The following NCKAP1 variants were observed in gnomAD, a reference collection of about 807,000 sequenced individuals.
The protein encoded by NCKAP1 is nck-associated protein 1.
NCKAP1 carries 21 observed loss-of-function variants against 151.2 expected under a neutral mutation model. The ratio of observed to expected loss-of-function variants is 0.14; its 90% confidence interval spans 0.10 to 0.20. The LOEUF (loss-of-function observed/expected upper bound fraction) is 0.20. Ranked by LOEUF, NCKAP1 falls within the 10% of genes least tolerant of loss-of-function variation. The pLI is 1.00. For synonymous variants in NCKAP1, 484 were observed against 451.8 expected, an observed-to-expected ratio of 1.07 and a Z score of -0.90; for missense variants, 933 against 1,352.1, an observed-to-expected ratio of 0.69 and a Z score of 4.86.
At chr2:182,949,013 C>A (rs574473876) in intron 23 of NCKAP1, among the ~76,000 whole-genome samples, 11 of 152,068 alleles carry the variant, frequency 7.2e-5, no homozygotes, top group Admixed American at 4.6e-4. Context: ...ATATTCCACA[C>A]GAGGAAGAGA....
intron 1 of NCKAP1, among the ~76,000 whole-genome samples, chr2:183,037,249 T>C (rs945457192): frequency 1.3e-5 from 2 of 152,300 alleles, no homozygotes; most frequent in Admixed American, 1.3e-4. Flanking sequence ...TTTTATTTTG[T>C]ACAGACACCG....
intron 17 of NCKAP1, among the ~76,000 whole-genome samples, chr2:182,964,135 TCA>T (rs1370380452): frequency 3.3e-5 from 5 of 152,190 alleles, no homozygotes; most frequent in Non-Finnish European, 7.4e-5. Context: ...AGTACATTTT[TCA>T]CAGATACTTG....
intron 15 of NCKAP1, among the ~76,000 whole-genome samples, chr2:182,969,281 T>C (rs1697637877): frequency 6.6e-6 from 1 of 152,126 alleles, no homozygotes; most frequent in Non-Finnish European, 1.5e-5. Flanking sequence ...GCAATAAAAC[T>C]AGAAATCAAC....
intron 18 of NCKAP1, among the ~76,000 whole-genome samples, chr2:182,960,547 G>A (rs1697425518): frequency 6.6e-6 from 1 of 152,076 alleles, no homozygotes; most frequent in Non-Finnish European, 1.5e-5. Context: ...AGCTGAAACT[G>A]GATCCCTTCC....
intron 27 of NCKAP1, among the ~76,000 whole-genome samples, chr2:182,929,374 TA>T (rs1420332758): frequency 2.6e-5 from 4 of 151,992 alleles, no homozygotes; most frequent in African/African-American, 9.7e-5. Flanking sequence ...ATTTACTATT[TA>T]AAAGACATAA....
chr2:183,009,400 G>T (rs1216189868), intron 2 of NCKAP1, among the ~76,000 whole-genome samples: 2 of 135,370 alleles, frequency 1.5e-5, no homozygotes, highest in Non-Finnish European at 3.1e-5. Context: ...GGAGGGGGAG[G>T]GGGAGACAGG....
chr2:182,946,126 G>A (rs1204767117), intron 23 of NCKAP1, among the ~76,000 whole-genome samples: 2 of 152,194 alleles, frequency 1.3e-5, no homozygotes, highest in Non-Finnish European at 2.9e-5. Flanking sequence ...CATAGATAGT[G>A]CAGTGGCTCA....
intron 8 of NCKAP1, among the ~76,000 whole-genome samples, chr2:182,993,154 C>T (rs1383542961): frequency 6.6e-6 from 1 of 152,112 alleles, no homozygotes; most frequent in African/African-American, 2.4e-5. Flanking sequence ...TTACATATAA[C>T]CTACACACTT....
chr2:183,010,501 T>C (rs1268654755), intron 2 of NCKAP1, among the ~76,000 whole-genome samples: 1 of 152,216 alleles, frequency 6.6e-6, no homozygotes, highest in Non-Finnish European at 1.5e-5. Context: ...CAAGCTGCTG[T>C]CGTTTTAAGC....
At chr2:183,009,988 C>A (rs1024947762) in intron 2 of NCKAP1, among the ~76,000 whole-genome samples, 9 of 152,176 alleles carry the variant, frequency 5.9e-5, no homozygotes, top group Admixed American at 5.9e-4. Context: ...TCTAATTCAA[C>A]TGTTTCACTT....
intron 6 of NCKAP1, among the ~76,000 whole-genome samples, chr2:182,997,235 T>G (rs1032552382): frequency 2.6e-5 from 4 of 152,222 alleles, no homozygotes; most frequent in Admixed American, 2.6e-4. Context: ...GTATGGTTTT[T>G]GGGTCTCAAT....
intron 27 of NCKAP1, among the ~76,000 whole-genome samples, chr2:182,930,290 C>T (rs1235882013): frequency 6.6e-6 from 1 of 152,006 alleles, no homozygotes; most frequent in Non-Finnish European, 1.5e-5. Context: ...CTCTACATAG[C>T]TGATCATTTC....
chr2:182,948,279 CAAGT>C (rs1248658642), intron 23 of NCKAP1, among the ~76,000 whole-genome samples: 1 of 151,650 alleles, frequency 6.6e-6, no homozygotes, highest in Non-Finnish European at 1.5e-5. Context: ...AATGAAAAGT[CAAGT>C]AAGAAAAGAA....
chr2:182,970,362 T>C (rs1305739890), intron 15 of NCKAP1, among the ~76,000 whole-genome samples: 1 of 152,118 alleles, frequency 6.6e-6, no homozygotes, highest in African/African-American at 2.4e-5. Flanking sequence ...GCAAAAATGC[T>C]GAACAAAATA....
Position 182,913,901 on chromosome 2 carries a change from C to CAT in NCKAP1, c.*11799_*11800dup, listed in dbSNP as rs1191285130. 1 of 152,272 alleles carries CAT rather than the reference C, an allele frequency of 6.6e-6. No individual in the cohort carries two copies. Among genetic ancestry groups the CAT allele is most frequent in the Non-Finnish European group, 1.5e-5 (1 of 68,114 alleles). The allele number at this position is 152,272 out of a possible 1,614,324, so 9.4% of individuals were successfully genotyped here. A position where few individuals can be genotyped will look rare whatever the true frequency, so the allele number is the denominator to read the frequency against. ...GGAAACTTCACAATGGTGCACAGTC[C>CAT]ATACTCCATGAAACTTTCTGCTTAA... On this transcript the variant is annotated 3_prime_UTR_variant, in exon 31 of 31. Transcript: ENST00000361354.
At chr2:183,029,262 G>T (rs1394027288) in intron 1 of NCKAP1, among the ~76,000 whole-genome samples, 2 of 152,016 alleles carry the variant, frequency 1.3e-5, no homozygotes, top group Non-Finnish European at 2.9e-5. Context: ...GGCCACAAAA[G>T]AAACATCTTT....
chr2:182,929,527 T>C lies in NCKAP1; in HGVS notation c.2954-628A>G, dbSNP rs1575011695. Among the ~76,000 whole-genome samples the C allele has an allele frequency of 2.6e-5, 4 of 152,050 alleles. No individual in the cohort carries two copies. The South Asian group carries it at 8.3e-4, about 31-fold the overall frequency. Reference sequence around the variant, plus strand: ...GCATTGCTCTAAAGCTTTCAAGACATAACCCTTTCTAAAACATTTATTGTG... The same window carrying C: ...GCATTGCTCTAAAGCTTTCAAGACACAACCCTTTCTAAAACATTTATTGTG... On this transcript the variant is annotated intron_variant, in intron 27 of 30. Transcript: ENST00000361354.
intron 14 of NCKAP1, 69 bp from the exon 15 acceptor site, chr2:182,977,020 T>A (rs1331008939): frequency 2.7e-6 from 3 of 1,130,350 alleles, no homozygotes; most frequent in Admixed American, 2.9e-5. Context: ...AAGCACATTT[T>A]AAATTTTAAG....
At position 182,927,215 on chromosome 2, in the gene NCKAP1, C is replaced by CT. The variant is rs1234089743; in HGVS notation, c.3181-311dup. On this transcript the variant is annotated intron_variant, in intron 29 of 30. Coordinates refer to ENST00000361354, the MANE Select transcript of NCKAP1 (RefSeq NM_013436.5). ...ATTTTCTCTTATCCCATCCCATTAT[C>CT]TATACTGACTATATTTCTTAGTTCC... 3 of 201,008 alleles carry CT rather than the reference C, an allele frequency of 1.5e-5. No individual in the cohort carries two copies. The East Asian group carries it at 4.6e-4, about 31-fold the overall frequency. The allele number at this position is 201,008 out of a possible 1,614,324, so 12.5% of individuals were successfully genotyped here.
Sources: gnomAD v4.1 joint callset for allele counts (sites outside exome capture counted in the v4.1 genomes callset) on GRCh38, gnomAD v4.1.1 for gene constraint, MANE v1.5 for transcripts, NCBI Gene and HGNC (gene_info 2026-07-23, HGNC 2026-07-21) for gene names.